The following SPECC1 variants were observed in gnomAD, a reference collection of about 807,000 sequenced individuals.
SPECC1 encodes cytospin-B.
Under a neutral mutation model 104.1 loss-of-function variants are expected in SPECC1, and 62 were observed. The observed-to-expected ratio is 0.60, with a 90% confidence interval of 0.49 to 0.74. The LOEUF (loss-of-function observed/expected upper bound fraction) is 0.74. Among genes scored for constraint, SPECC1 ranks in the 30% least tolerant of loss-of-function variants. The pLI, the probability that SPECC1 is intolerant of heterozygous loss-of-function variation, is 0.00. For synonymous variants in SPECC1, 513 were observed against 501.6 expected, an observed-to-expected ratio of 1.02 and a Z score of -0.30; for missense variants, 1,306 against 1,310.5, an observed-to-expected ratio of 1.00 and a Z score of 0.05.
intron 14 of SPECC1, among the ~76,000 whole-genome samples, chr17:20,309,506 T>C (rs2041866608): frequency 6.6e-6 from 1 of 152,192 alleles, no homozygotes; most frequent in African/African-American, 2.4e-5. Flanking sequence ...GTCACCCAGA[T>C]AGGCACATAG....
Position 20,247,305 on chromosome 17 carries a change from G to A in SPECC1, c.2584G>A (p.Val862Ile). The A allele has an allele frequency of 6.2e-7, 1 of 1,613,300 alleles. No homozygotes were observed. The highest frequency in any genetic ancestry group is 1.7e-5 in the Admixed American group (1 of 59,978). ...AGTGAGGACTGCTCCAGCAGCTGCT[G>A]TCTCTCCAATGCAGGTAGATGAGCC... ...IPVRTAPAAA[V>I]SPMQRHSTYS... Residue 862 changes from valine (V) to isoleucine (I), a missense_variant, in exon 9 of 15, where the codon GTC (valine) becomes ATC (isoleucine). Around this residue, in one of 2 missense-constraint regions of SPECC1, gnomAD observed 1,177 missense variants for 1,139.9 expected, o/e 1.03. Coordinates refer to ENST00000395527, the MANE Select transcript of SPECC1 (RefSeq NM_001243439.2).
intron 1 of SPECC1, among the ~76,000 whole-genome samples, chr17:20,030,136 G>T (rs2044751767): frequency 6.6e-6 from 1 of 152,058 alleles, no homozygotes; most frequent in Non-Finnish European, 1.5e-5. Context: ...TCAATTTGTG[G>T]TAGTTTGTTA....
chr17:20,014,451 T>C (rs2044046196), intron 1 of SPECC1, among the ~76,000 whole-genome samples: 1 of 152,218 alleles, frequency 6.6e-6, no homozygotes, highest in South Asian at 2.1e-4. Flanking sequence ...TTTGTTTTCT[T>C]AATGAGTCCT....
intron 1 of SPECC1, among the ~76,000 whole-genome samples, chr17:20,046,034 C>T (rs948282960): frequency 6.6e-6 from 1 of 150,666 alleles, no homozygotes; most frequent in Non-Finnish European, 1.5e-5. Flanking sequence ...AAACCATTAG[C>T]ATAGTAATAT....
chr17:20,290,846 G>A (rs574688587), intron 12 of SPECC1, among the ~76,000 whole-genome samples: 4 of 152,320 alleles, frequency 2.6e-5, no homozygotes, highest in East Asian at 1.9e-4. Context: ...GCATATGGGC[G>A]CCTTCTTGGT....
At chr17:20,208,996 A>C (rs948264461) in intron 4 of SPECC1, among the ~76,000 whole-genome samples, 10 of 152,236 alleles carry the variant, frequency 6.6e-5, no homozygotes, top group African/African-American at 2.2e-4. Context: ...ATGAGGATTG[A>C]ATTTTTTCTA....
At chr17:20,018,367 G>A (rs2044232216) in intron 1 of SPECC1, among the ~76,000 whole-genome samples, 1 of 152,336 alleles carries the variant, frequency 6.6e-6, no homozygotes, top group Non-Finnish European at 1.5e-5. Flanking sequence ...TGAATTTTAA[G>A]ACACTTGGAA....
intron 9 of SPECC1, among the ~76,000 whole-genome samples, chr17:20,248,998 A>G (rs542123613): frequency 1.8e-4 from 28 of 152,326 alleles, no homozygotes; most frequent in African/African-American, 6.5e-4. Flanking sequence ...GGATTTAGAT[A>G]TTCTTCCCCT....
At chr17:20,236,524 G>T (rs2038921006) in intron 7 of SPECC1, among the ~76,000 whole-genome samples, 1 of 152,152 alleles carries the variant, frequency 6.6e-6, no homozygotes. Flanking sequence ...CTTGACAGTA[G>T]AGAGAAGCAT....
intron 3 of SPECC1, among the ~76,000 whole-genome samples, chr17:20,156,571 C>T (rs1484621181): frequency 6.6e-6 from 1 of 152,110 alleles, no homozygotes; most frequent in Admixed American, 6.5e-5. Flanking sequence ...TCGGACTTTC[C>T]GGGCGTTTGC....
At chr17:20,022,856 G>C (rs558938828) in intron 1 of SPECC1, among the ~76,000 whole-genome samples, 31 of 152,318 alleles carry the variant, frequency 2.0e-4, no homozygotes, top group African/African-American at 7.5e-4. Context: ...GGAGTGGGTG[G>C]ACTCGGCATT....
chr17:20,081,026 G>A (rs563922236), intron 1 of SPECC1, among the ~76,000 whole-genome samples: 50 of 152,184 alleles, frequency 3.3e-4, no homozygotes, highest in Non-Finnish European at 5.9e-4. Flanking sequence ...CCCTGTGCCT[G>A]TGAGTTTCTC....
chr17:20,105,538 C>A (rs1430445442), intron 2 of SPECC1, among the ~76,000 whole-genome samples: 1 of 152,180 alleles, frequency 6.6e-6, no homozygotes. Context: ...ACTCCCTCCC[C>A]ACCCTTGAAA....
chr17:20,270,639 G>A (rs2040378568), intron 12 of SPECC1, among the ~76,000 whole-genome samples: 1 of 151,196 alleles, frequency 6.6e-6, no homozygotes, highest in South Asian at 2.1e-4. Context: ...AAAAAAAAGT[G>A]TGCCATGATG....
chr17:20,026,643 C>G (rs1447683893), intron 1 of SPECC1, among the ~76,000 whole-genome samples: 2 of 152,086 alleles, frequency 1.3e-5, no homozygotes, highest in Non-Finnish European at 2.9e-5. Context: ...GAATAGTATT[C>G]TATTGAGTGT....
chr17:20,081,923 G>A (rs557018953), intron 1 of SPECC1, among the ~76,000 whole-genome samples: 19 of 152,262 alleles, frequency 1.2e-4, no homozygotes, highest in African/African-American at 4.3e-4. Context: ...GGCCCCACCT[G>A]CAGCTGGCTG....
At chr17:20,094,166 T>A (rs930628471) in intron 1 of SPECC1, among the ~76,000 whole-genome samples, 1 of 151,948 alleles carries the variant, frequency 6.6e-6, no homozygotes, top group Non-Finnish European at 1.5e-5. Flanking sequence ...AAAGGGAGTG[T>A]GGGCAGCAGG....
chr17:20,016,783 C>T (rs962118712), intron 1 of SPECC1, among the ~76,000 whole-genome samples: 27 of 152,368 alleles, frequency 1.8e-4, no homozygotes, highest in African/African-American at 6.3e-4. Context: ...CCAGTCCCAT[C>T]GACCACCAGA....
chr17:20,302,401 G>C (rs1468061282), intron 13 of SPECC1, among the ~76,000 whole-genome samples: 1 of 152,190 alleles, frequency 6.6e-6, no homozygotes, highest in Admixed American at 6.5e-5. Flanking sequence ...CGTGGGGGAA[G>C]TGAGGCCCTT....
Sources: allele counts gnomAD v4.1 joint callset (sites outside exome capture counted in the v4.1 genomes callset), GRCh38; gene constraint gnomAD v4.1.1; regional missense constraint gnomAD v4.1.1; transcripts MANE v1.5; gene names NCBI Gene and HGNC (gene_info 2026-07-23, HGNC 2026-07-21).